Variants in ZFYVE26 observed in about 807,000 individuals in gnomAD.
ZFYVE26 encodes the protein zinc finger FYVE-type containing 26, also known as zinc finger FYVE domain-containing protein 26.
ZFYVE26 carries 181 observed loss-of-function variants against 276.5 expected under a neutral mutation model. The observed-to-expected ratio is 0.65, with a 90% CI of 0.58 to 0.74. The LOEUF (loss-of-function observed/expected upper bound fraction) is 0.74. Ranked by LOEUF, ZFYVE26 falls within the 30% of genes least tolerant of loss-of-function variation. The pLI is 0.00. For synonymous variants in ZFYVE26, 1,129 were observed against 1,203.1 expected, an observed-to-expected ratio of 0.94 and a Z score of 1.27; for missense variants, 2,821 against 3,097.9, an observed-to-expected ratio of 0.91 and a Z score of 2.12.
chr14:67,756,417 A>C, intron 35 of ZFYVE26: 1 of 503,788 alleles, frequency 2.0e-6, no homozygotes. Flanking sequence ...ACCCACTCTA[A>C]TCTAGCTCTG....
At chr14:67,782,757 G>A (rs1028509516) in intron 21 of ZFYVE26, 23 bp downstream of exon 21, 1 of 1,613,688 alleles carries the variant, frequency 6.2e-7, no homozygotes, top group South Asian at 1.1e-5. Flanking sequence ...TAGTGAAAAA[G>A]GGAGGCATAG....
intron 13 of ZFYVE26, among the ~76,000 whole-genome samples, chr14:67,738,955 A>G (rs1198716388): frequency 3.9e-5 from 6 of 152,148 alleles, no homozygotes; most frequent in African/African-American, 9.7e-5. Flanking sequence ...TCCATATTCA[A>G]TTGTTCTCGC....
In ZFYVE26 at chr14:67,761,569, A is replaced by C; in HGVS notation, c.6385T>G (p.Phe2129Val). 6.2e-7 allele frequency: 1 copy of C among 1,614,156 alleles called. No homozygotes were observed. The highest frequency in any genetic ancestry group is 8.5e-7 in the Non-Finnish European group (1 of 1,180,008). ...GCTTCCAGTTCCCTCAGGGTGGCAA[A>C]GTAATCGTCATCTTGCTGACAGCAC... is the stretch of plus-strand genomic sequence containing the variant. Reference protein sequence around the residue: ...PFVSLQDDDYFATLRELEATL... With the variant: ...PFVSLQDDDYVATLRELEATL... Residue 2129 changes from phenylalanine (F) to valine (V), a missense_variant, in exon 35 of 42, where the codon TTT becomes GTT. By Grantham distance (50) the Phe-to-Val change is conservative (BLOSUM62 -1). Transcript: ENST00000347230.
chr14:67,748,008 A>G lies in ZFYVE26; in HGVS notation c.*428T>C. On this transcript the variant is annotated 3_prime_UTR_variant, in exon 42 of 42. Transcript: ENST00000347230. Reference sequence around the variant, plus strand: ...AAAGCACGTCCACAGAGGGGGGACTATACAAACAGGACAACCCGGGTCAAG... The same window carrying G: ...AAAGCACGTCCACAGAGGGGGGACTGTACAAACAGGACAACCCGGGTCAAG... The G allele has an allele frequency of 9.0e-6, 2 of 222,256 alleles. No homozygotes were observed. The highest frequency in any genetic ancestry group is 1.5e-4 in the South Asian group (2 of 13,342). 13.8% of individuals were successfully genotyped at this position (222,256 alleles called of 1,614,324 possible).
At chr14:67,781,042 G>C (rs1332390110) in intron 22 of ZFYVE26, among the ~76,000 whole-genome samples, 2 of 152,008 alleles carry the variant, frequency 1.3e-5, no homozygotes, top group East Asian at 3.8e-4. Flanking sequence ...TATACACAAA[G>C]CTCAAAAAGA....
At chr14:67,757,969 C>T (rs894531433) in intron 35 of ZFYVE26, among the ~76,000 whole-genome samples, 2 of 152,220 alleles carry the variant, frequency 1.3e-5, no homozygotes, top group African/African-American at 4.8e-5. Flanking sequence ...CCCACCTCAG[C>T]CTCCCAGAGT....
intron 32 of ZFYVE26, 133 bp from the exon 33 acceptor site, chr14:67,762,952 G>C: frequency 7.8e-7 from 1 of 1,286,146 alleles, no homozygotes; most frequent in African/African-American, 1.5e-5. Context: ...ACCCAGGCTG[G>C]AGTGCAGTGG....
Position 67,785,895 on chromosome 14 carries a change from C to G in ZFYVE26, c.3267G>C (p.Gln1089His). 1 of 1,614,178 alleles carries G rather than the reference C, an allele frequency of 6.2e-7. No homozygotes were observed. Among genetic ancestry groups the G allele is most frequent in the Non-Finnish European group, 8.5e-7 (1 of 1,180,030 alleles). The change falls in exon 18 of 42, where the codon CAG (glutamine) becomes CAC (histidine). Residue 1089 changes from glutamine (Q) to histidine (H), a missense_variant. By Grantham distance (24) the Gln-to-His change is conservative (BLOSUM62 0). Transcript: ENST00000347230. ...GTGCCTCTCTCAGTGACTGAAGGAC[C>G]TGATCTAGCTGCTGGGAGAGGGTGG... is the stretch of plus-strand genomic sequence containing the variant. ...SHTTLSQQLD[Q>H]VLQSLREALE...
chr14:67,800,838 T>C (rs1392833041), intron 10 of ZFYVE26, among the ~76,000 whole-genome samples: 2 of 152,032 alleles, frequency 1.3e-5, no homozygotes, highest in African/African-American at 4.8e-5. Flanking sequence ...TTAATTGTAT[T>C]AAAAATATAA....
chr14:67,810,080 G>A (rs2140255125), intron 3 of ZFYVE26, among the ~76,000 whole-genome samples: 1 of 152,262 alleles, frequency 6.6e-6, no homozygotes, highest in East Asian at 1.9e-4. Flanking sequence ...CACCGTGCCT[G>A]GCACAGATAC....
At position 67,772,174 on chromosome 14, in the gene ZFYVE26, C is replaced by T; in HGVS notation, c.5357G>A (p.Arg1786Lys). 6.2e-7 allele frequency: 1 copy of T among 1,613,246 alleles called. No individual in the cohort carries two copies. The change falls in exon 28 of 42, where the codon AGG becomes AAG. Residue 1786 changes from arginine to lysine, a missense_variant. Transcript: ENST00000347230. ...TGAGGGCTGGGTTGGTGGGAAACTC[C>T]TTTCCCTTAGACTAGGGGAATGTAT... The part of the protein sequence containing the change: ...SSIHSPSLRE[R>K]SFPPTQPSQE...
chr14:67,809,703 T>C (rs2140254583), intron 3 of ZFYVE26, among the ~76,000 whole-genome samples: 1 of 151,972 alleles, frequency 6.6e-6, no homozygotes, highest in East Asian at 1.9e-4. Flanking sequence ...ATTACAGATG[T>C]GAGCTACCAC....
Position 67,788,505 on chromosome 14 carries a change from G to A in ZFYVE26, c.3019+830C>T, listed in dbSNP as rs538390242. On this transcript the variant is annotated intron_variant, in intron 16 of 41. Transcript: ENST00000347230. Reference sequence around the variant, plus strand: ...ACTCATTGCTGGAGAAATAGGCATAGGCATGCCCTGTGTAGCCACAGGGAG... The same window carrying A: ...ACTCATTGCTGGAGAAATAGGCATAAGCATGCCCTGTGTAGCCACAGGGAG... Among the ~76,000 whole-genome samples the A allele has an allele frequency of 2.4e-4, 37 of 152,328 alleles. No homozygotes were observed. The Middle Eastern group carries it at 0.024, about 98-fold the overall frequency.
At position 67,761,491 on chromosome 14, in the gene ZFYVE26, T is replaced by C. The variant is rs370987417; in HGVS notation, c.6463A>G (p.Met2155Val). The C allele has an allele frequency of 2.8e-5, 46 of 1,614,092 alleles. No individual in the cohort carries two copies. The highest frequency in any genetic ancestry group is 3.7e-5 in the Non-Finnish European group (44 of 1,180,048). The change falls in exon 35 of 42, where the codon ATG becomes GTG. Residue 2155 changes from methionine (M) to valine (V), a missense_variant. Physicochemically the swap from Met to Val is conservative, Grantham distance 21. Coordinates refer to ENST00000347230, the MANE Select transcript of ZFYVE26 (RefSeq NM_015346.4). Reference protein sequence around the residue: ...SLAVIPEGKIMNNTYYQECLF... With the variant: ...SLAVIPEGKIVNNTYYQECLF... Reference sequence around the variant, plus strand: ...CATTCCTGGTAGTAGGTGTTGTTCATGATTTTCCCTTCAGGAATCACTGCC... The same window carrying C: ...CATTCCTGGTAGTAGGTGTTGTTCACGATTTTCCCTTCAGGAATCACTGCC...
At chr14:67,761,280 G>C in intron 35 of ZFYVE26, 86 bp downstream of exon 35, 1 of 1,251,494 alleles carries the variant, frequency 8.0e-7, no homozygotes, top group Non-Finnish European at 1.1e-6. Context: ...TAAGTGTCAG[G>C]GGGTTATTGT....
At chr14:67,808,086 A>G (rs1439736361) in intron 4 of ZFYVE26, among the ~76,000 whole-genome samples, 166 bp from the exon 5 acceptor site, 1 of 152,192 alleles carries the variant, frequency 6.6e-6, no homozygotes, top group African/African-American at 2.4e-5. Context: ...GGCCCTTTAC[A>G]CAGAAAAATC....
chr14:67,754,352 G>C, intron 37 of ZFYVE26, 140 bp from the exon 38 acceptor site: 1 of 1,190,702 alleles, frequency 8.4e-7, no homozygotes, highest in South Asian at 1.2e-5. Flanking sequence ...CAAGTACCTT[G>C]TGAGCAGTTA....
chr14:67,789,999 A>G (rs1466093443), intron 15 of ZFYVE26, among the ~76,000 whole-genome samples: 2 of 152,210 alleles, frequency 1.3e-5, no homozygotes, highest in Non-Finnish European at 2.9e-5. Context: ...GGCATAGAAA[A>G]TTTCTGGGAT....
Position 67,752,533 on chromosome 14 carries a change from C to T in ZFYVE26, c.7189-7G>A, listed in dbSNP as rs2038676476. ...CAGCATCCAGCTGGAAGTCCTAGAACAGAACACAACATGATGGGCTTAGGA... is the reference window on the plus strand; with the variant it reads ...CAGCATCCAGCTGGAAGTCCTAGAATAGAACACAACATGATGGGCTTAGGA... On this transcript the variant is annotated splice_polypyrimidine_tract_variant and splice_region_variant and intron_variant, in intron 39 of 41. Transcript: ENST00000347230. 6.2e-7 allele frequency: 1 copy of T among 1,613,972 alleles called. No homozygotes were observed. Among genetic ancestry groups the T allele is most frequent in the African/African-American group, 1.3e-5 (1 of 74,928 alleles).
Sources: gnomAD v4.1 joint callset for allele counts (sites outside exome capture counted in the v4.1 genomes callset) on GRCh38, gnomAD v4.1.1 for gene constraint, MANE v1.5 for transcripts, NCBI Gene and HGNC (gene_info 2026-07-23, HGNC 2026-07-21) for gene names.